MSRA: variants seen among roughly 807,000 people sequenced by gnomAD.
The protein encoded by MSRA is methionine sulfoxide reductase A, also known as mitochondrial peptide methionine sulfoxide reductase.
Under a neutral mutation model 31.3 loss-of-function variants are expected in MSRA, and 54 were observed. That is an observed-to-expected ratio of 1.73 (90% confidence interval 1.39 to 2.17). The LOEUF (loss-of-function observed/expected upper bound fraction) is 2.17, where lower values mean the gene tolerates loss of function less well. Among genes scored for constraint, MSRA ranks in the 30% most tolerant of loss-of-function variants. MSRA has a pLI of 0.00. For synonymous variants in MSRA, 169 were observed against 116.5 expected, an observed-to-expected ratio of 1.45 and a Z score of -2.90; for missense variants, 507 against 300.9, an observed-to-expected ratio of 1.69 and a Z score of -5.07.
intron 1 of MSRA, among the ~76,000 whole-genome samples, chr8:10,158,243 C>T (rs770873051): frequency 5.9e-5 from 9 of 152,178 alleles, no homozygotes; most frequent in Admixed American, 4.6e-4. Context: ...TTCAAGAGGA[C>T]GTAAACATTC....
At chr8:10,340,961 G>GAT (rs1318613572) in intron 5 of MSRA, among the ~76,000 whole-genome samples, 1 of 152,114 alleles carries the variant, frequency 6.6e-6, no homozygotes, top group Non-Finnish European at 1.5e-5. Context: ...CAAATACGTT[G>GAT]ATGTGGAAAC....
At chr8:10,348,510 C>G (rs1803931010) in intron 5 of MSRA, among the ~76,000 whole-genome samples, 1 of 151,894 alleles carries the variant, frequency 6.6e-6, no homozygotes, top group Admixed American at 6.6e-5. Context: ...GCCGGGACTA[C>G]AAGCGTGCGC....
intron 1 of MSRA, among the ~76,000 whole-genome samples, chr8:10,126,465 G>T (rs1187535238): frequency 6.6e-6 from 1 of 152,118 alleles, no homozygotes; most frequent in Non-Finnish European, 1.5e-5. Flanking sequence ...ATGGTTTCAG[G>T]ATGCGGCTGT....
At chr8:10,109,597 C>T (rs555723832) in intron 1 of MSRA, among the ~76,000 whole-genome samples, 2 of 152,304 alleles carry the variant, frequency 1.3e-5, no homozygotes, top group Non-Finnish European at 2.9e-5. Context: ...CCATCTTGGC[C>T]TCCCAAAGTG....
intron 1 of MSRA, among the ~76,000 whole-genome samples, chr8:10,161,949 C>G (rs2129042431): frequency 6.6e-6 from 1 of 152,296 alleles, no homozygotes; most frequent in South Asian, 2.1e-4. Flanking sequence ...GTCCGGAGGT[C>G]TGAATACAAG....
At chr8:10,364,453 G>T (rs1585591030) in intron 5 of MSRA, among the ~76,000 whole-genome samples, 1 of 152,302 alleles carries the variant, frequency 6.6e-6, no homozygotes, top group East Asian at 1.9e-4. Context: ...TTCACTTTCA[G>T]TGCCCAAGGA....
chr8:10,261,102 T>C (rs548807949), intron 3 of MSRA, among the ~76,000 whole-genome samples: 65 of 152,286 alleles, frequency 4.3e-4, no homozygotes, highest in African/African-American at 1.5e-3. Flanking sequence ...TCTTGCTAGA[T>C]ATATTTAGGT....
At chr8:10,368,565 G>C (rs1805298644) in intron 5 of MSRA, among the ~76,000 whole-genome samples, 1 of 152,228 alleles carries the variant, frequency 6.6e-6, no homozygotes, top group Non-Finnish European at 1.5e-5. Flanking sequence ...AGTCCTGGTT[G>C]CCTCTAGTGA....
At chr8:10,138,397 G>T (rs1159681873) in intron 1 of MSRA, among the ~76,000 whole-genome samples, 2 of 152,086 alleles carry the variant, frequency 1.3e-5, no homozygotes, top group Non-Finnish European at 1.5e-5. Flanking sequence ...CCCAAGGCAG[G>T]GCAGAATCTT....
In MSRA at chr8:10,343,435, C is replaced by T. The variant is rs911648562; in HGVS notation, c.543+23446C>T. 5.3e-5 allele frequency among the ~76,000 whole-genome samples: 8 copies of T among 152,304 alleles called. No homozygotes were observed. The East Asian group carries it at 1.5e-3, about 29-fold the overall frequency. On this transcript the variant is annotated intron_variant, in intron 5 of 5. Transcript: ENST00000317173. ...AGTAGTATTGCAGTTGAATAACCTG[C>T]AGCATGATGTATGGTGATTAGAATT...
intron 1 of MSRA, among the ~76,000 whole-genome samples, chr8:10,059,813 T>G (rs533844836): frequency 6.6e-6 from 1 of 152,338 alleles, no homozygotes; most frequent in Admixed American, 6.5e-5. Flanking sequence ...ATTGGCAAGG[T>G]AGACGTTAGG....
chr8:10,265,951 C>G (rs979798732), intron 3 of MSRA, among the ~76,000 whole-genome samples: 2 of 152,222 alleles, frequency 1.3e-5, no homozygotes, highest in African/African-American at 4.8e-5. Flanking sequence ...CTTTTTCCTG[C>G]TGAATGATAT....
intron 2 of MSRA, among the ~76,000 whole-genome samples, chr8:10,230,325 G>A (rs570090695): frequency 6.6e-6 from 1 of 152,328 alleles, no homozygotes; most frequent in Non-Finnish European, 1.5e-5. Context: ...AGGTTATACC[G>A]GAAATGGCAC....
intron 5 of MSRA, among the ~76,000 whole-genome samples, chr8:10,344,787 C>T (rs1466426078): frequency 3.3e-5 from 5 of 152,050 alleles, no homozygotes; most frequent in African/African-American, 7.2e-5. Context: ...GTGTACAAGA[C>T]CTCAGGTTCA....
intron 2 of MSRA, among the ~76,000 whole-genome samples, chr8:10,229,656 C>A (rs1056262197): frequency 6.6e-6 from 1 of 152,048 alleles, no homozygotes; most frequent in Non-Finnish European, 1.5e-5. Context: ...TAGATGAAAT[C>A]CCCTCAGTGA....
intron 1 of MSRA, among the ~76,000 whole-genome samples, chr8:10,186,705 A>T (rs1807085742): frequency 6.6e-6 from 1 of 152,048 alleles, no homozygotes; most frequent in African/African-American, 2.4e-5. Context: ...TCCTAAAGGG[A>T]TTTGGGGTAG....
intron 3 of MSRA, among the ~76,000 whole-genome samples, chr8:10,279,005 A>T (rs997322205): frequency 1.1e-4 from 16 of 152,110 alleles, no homozygotes; most frequent in African/African-American, 2.7e-4. Flanking sequence ...TTGAAAAAAA[A>T]TTGCCCCGTG....
At chr8:10,219,729 C>T (rs1423377605) in intron 2 of MSRA, among the ~76,000 whole-genome samples, 1 of 137,992 alleles carries the variant, frequency 7.2e-6, no homozygotes, top group Non-Finnish European at 1.5e-5. Context: ...TGGGGTGAAC[C>T]CGGGAGGCAC....
At chr8:10,357,327 G>A (rs921482145) in intron 5 of MSRA, among the ~76,000 whole-genome samples, 3 of 152,160 alleles carry the variant, frequency 2.0e-5, no homozygotes, top group African/African-American at 7.2e-5. Flanking sequence ...AGGTCTTACA[G>A]GAAAGTCAGA....
Sources: allele counts gnomAD v4.1 joint callset (sites outside exome capture counted in the v4.1 genomes callset), GRCh38; gene constraint gnomAD v4.1.1; transcripts MANE v1.5; gene names NCBI Gene and HGNC (gene_info 2026-07-23, HGNC 2026-07-21).